PNMA8B: variants seen among roughly 807,000 people sequenced by gnomAD.
PNMA8B encodes PNMA family member 8B, also known as paraneoplastic antigen-like protein 8B.
For synonymous variants in PNMA8B, 386 were observed against 394.9 expected, an observed-to-expected ratio of 0.98 and a Z score of 0.27; for missense variants, 887 against 885.8, an observed-to-expected ratio of 1.00 and a Z score of -0.02.
rs973082391 is a variant in PNMA8B, at chr19:46,492,354, G to A, written c.*1204C>T. ...TTGCAGGAGCTGAAGCATACGGCACGGCACGGCACAGACTCACATACAACT... is the reference window on the plus strand; with the variant it reads ...TTGCAGGAGCTGAAGCATACGGCACAGCACGGCACAGACTCACATACAACT... On this transcript the variant is annotated 3_prime_UTR_variant, in exon 1 of 1. Transcript: ENST00000599531. The A allele has an allele frequency of 7.4e-6, 2 of 270,984 alleles. No homozygotes were observed. Among genetic ancestry groups the A allele is most frequent in the South Asian group, 3.0e-5 (1 of 33,388 alleles). 16.8% of individuals were successfully genotyped at this position (270,984 alleles called of 1,614,324 possible).
In PNMA8B at chr19:46,493,657, G is replaced by A. The variant is rs750415692; in HGVS notation, c.1809C>T (p.Ala603=). 1 of 1,535,618 alleles carries A rather than the reference G, an allele frequency of 6.5e-7. No individual in the cohort carries two copies. Among genetic ancestry groups the A allele is most frequent in the Non-Finnish European group, 8.7e-7 (1 of 1,150,340 alleles). The change falls in exon 1 of 1, where the codon GCC becomes GCT. Residue 603 remains alanine (A), a synonymous_variant. Transcript: ENST00000599531. The surrounding 1 kb of genome is among the most constrained non-coding windows in gnomAD (Gnocchi z 5.3). ...KKGSAGAGAH[A]RAGEAKGQAP... is the part of the protein sequence containing the mutation. ...CCTGGCCCTTGGCCTCGCCTGCCCT[G>A]GCATGGGCCCCGGCGCCCGCGCTCC...
Position 46,493,805 on chromosome 19 carries a change from G to A in PNMA8B, c.1661C>T (p.Ala554Val), listed in dbSNP as rs746322356. ...CGCGCGGGTTTTGCGGGCCCCGGAA[G>A]CGGTGGGAGGCGCGCCGGCCGGAGT... ...GLTPAGAPPT[A>V]SGARKTRAGG... The change falls in exon 1 of 1, where the codon GCT (alanine) becomes GTT (valine). Residue 554 changes from alanine (A) to valine (V), a missense_variant. Coordinates refer to ENST00000599531, the MANE Select transcript of PNMA8B (RefSeq NM_020709.3). The surrounding 1 kb of genome is among the most constrained non-coding windows in gnomAD (Gnocchi z 5.3). The A allele has an allele frequency of 7.5e-7, 1 of 1,333,122 alleles. No homozygotes were observed. The highest frequency in any genetic ancestry group is 9.6e-7 in the Non-Finnish European group (1 of 1,041,500). The allele number at this position is 1,333,122 out of a possible 1,614,324, so 82.6% of individuals were successfully genotyped here.
In PNMA8B at chr19:46,493,727, C is replaced by T; in HGVS notation, c.1739G>A (p.Arg580Gln). Residue 580 changes from arginine (R) to glutamine (Q), a missense_variant, in exon 1 of 1, where the codon CGG (arginine) becomes CAG (glutamine). Arg to Gln is a conservative substitution (Grantham distance 43). Transcript: ENST00000599531. The surrounding 1 kb of genome is among the most constrained non-coding windows in gnomAD (Gnocchi z 5.3). ...TGCGGCGTCGTCCTGGGCCGAGCCC[C>T]GGCTCCCGGCTTTCTTCTCGGGAGT... ...GVTPEKKAGS[R>Q]GSAQDDAAGS... The T allele has an allele frequency of 1.3e-6, 2 of 1,494,596 alleles. No individual in the cohort carries two copies. The highest frequency in any genetic ancestry group is 8.9e-7 in the Non-Finnish European group (1 of 1,129,912). The allele number at this position is 1,494,596 out of a possible 1,614,324, so 92.6% of individuals were successfully genotyped here.
rs951571780 is a variant in PNMA8B, at chr19:46,493,683, CCTT to C, written c.1780_1782del (p.Lys594del). The C allele has an allele frequency of 5.0e-5, 77 of 1,533,686 alleles. 2 individuals are homozygous for C. The Admixed American group carries it at 7.2e-4, about 14-fold the overall frequency. On this transcript the variant is annotated inframe_deletion, in exon 1 of 1. Coordinates refer to ENST00000599531, the MANE Select transcript of PNMA8B (RefSeq NM_020709.3). This position sits in a 1 kb window ranked among gnomAD's most constrained non-coding sequence, Gnocchi z 5.3. ...GCATGGGCCCCGGCGCCCGCGCTCC[CCTT>C]CTTCTTCCTGCTTCCTGCGGCGTCG...
Position 46,494,737 on chromosome 19 carries a change from G to A in PNMA8B, c.729C>T (p.Ser243=), listed in dbSNP as rs1292078124. ...ELVRQWAPCN[S]EGEEDGPREF... is the part of the protein sequence containing the mutation. ...CGCGGGGACCGTCTTCTTCCCCCTC[G>A]GAGTTGCAGGGCGCCCACTGCCTAA... The change falls in exon 1 of 1, where the codon TCC becomes TCT. Residue 243 remains serine, a synonymous_variant. Coordinates refer to ENST00000599531, the MANE Select transcript of PNMA8B (RefSeq NM_020709.3). 4 of 1,613,812 alleles carry A rather than the reference G, an allele frequency of 2.5e-6. No individual in the cohort carries two copies. The highest frequency in any genetic ancestry group is 4.5e-5 in the East Asian group (2 of 44,892).
rs779953546 is a variant in PNMA8B at position 46,493,572 on chromosome 19, G to A, written c.1894C>T (p.Pro632Ser). ...TTGGGGGGCCACTAGCGGCATTTAG[G>A]GGGCAGCCTCCGGCCCCGACGGGCC... ...KKARRGRRLPPKCR is the reference protein window; with the variant it reads ...KKARRGRRLPSKCR Residue 632 changes from proline (P) to serine (S), a missense_variant, in exon 1 of 1, where the codon CCT becomes TCT. Pro to Ser is a moderately conservative substitution (Grantham distance 74). Transcript: ENST00000599531. This position sits in a 1 kb window ranked among gnomAD's most constrained non-coding sequence, Gnocchi z 5.3. The A allele has an allele frequency of 6.9e-7, 1 of 1,439,480 alleles. No homozygotes were observed. Among genetic ancestry groups the A allele is most frequent in the South Asian group, 1.5e-5 (1 of 68,068 alleles). The allele number at this position is 1,439,480 out of a possible 1,614,324, so 89.2% of individuals were successfully genotyped here.
Position 46,493,839 on chromosome 19 carries a change from T to C in PNMA8B, c.1627A>G (p.Arg543Gly). Residue 543 changes from arginine (R) to glycine (G), a missense_variant, in exon 1 of 1, where the codon AGG (arginine) becomes GGG (glycine). Arg to Gly is a moderately radical substitution (Grantham distance 125, BLOSUM62 -2). Transcript: ENST00000599531. This position sits in a 1 kb window ranked among gnomAD's most constrained non-coding sequence, Gnocchi z 5.3. ...PRAKRARTAP[R>G]GLTPAGAPPT... ...GGCGCGCCGGCCGGAGTCAGGCCCC[T>C]GGGGGCCGTGCGCGCCCTCTTGGCC... 6.9e-7 allele frequency: 1 copy of C among 1,459,376 alleles called. No homozygotes were observed. Among genetic ancestry groups the C allele is most frequent in the Non-Finnish European group, 9.0e-7 (1 of 1,111,312 alleles). The allele number at this position is 1,459,376 out of a possible 1,614,324, so 90.4% of individuals were successfully genotyped here.
chr19:46,494,382 AG>A lies in PNMA8B; in HGVS notation c.1083del (p.Trp362GlyfsTer27). 1 of 1,613,400 alleles carries A rather than the reference AG, an allele frequency of 6.2e-7. No individual in the cohort carries two copies. The highest frequency in any genetic ancestry group is 8.5e-7 in the Non-Finnish European group (1 of 1,179,888). ...LKIASVIESL[G>X]WSDEKDKRDP... ...TCTCGCTTGTCTTTCTCGTCGCTCC[AG>A]CCCAGCGACTCGATAACAGAAGCGA... is the stretch of plus-strand genomic sequence containing the variant. On this transcript the variant is annotated frameshift_variant, in exon 1 of 1. Transcript: ENST00000599531. LOFTEE classifies it low-confidence loss of function (END_TRUNC).
rs1970020810 is a variant in PNMA8B at position 46,492,649 on chromosome 19, A to C, written c.*909T>G. 1 of 152,514 alleles carries C rather than the reference A, an allele frequency of 6.6e-6. No homozygotes were observed. Among genetic ancestry groups the C allele is most frequent in the Non-Finnish European group, 1.5e-5 (1 of 68,256 alleles). The allele number at this position is 152,514 out of a possible 1,614,324, so 9.4% of individuals were successfully genotyped here. On this transcript the variant is annotated 3_prime_UTR_variant, in exon 1 of 1. Transcript: ENST00000599531. ...CAAGGCCAGCGCTGAGCGGTGGGTC[A>C]GCTCCACTGGAGAGGGGGCACCCAG...
rs552828031 is a variant in PNMA8B at position 46,494,911 on chromosome 19, C to T, written c.555G>A (p.Arg185=). 3.1e-6 allele frequency: 5 copies of T among 1,611,544 alleles called. No homozygotes were observed. The Admixed American group carries it at 5.0e-5, about 16-fold the overall frequency. The change falls in exon 1 of 1, where the codon CGG becomes CGA. Residue 185 remains arginine (R), a synonymous_variant. Coordinates refer to ENST00000599531, the MANE Select transcript of PNMA8B (RefSeq NM_020709.3). The part of the protein sequence containing the change: ...QKGKKRSRGG[R]PSAPARSEAE... ...CCTCACTCCTCGCGGGAGCAGACGG[C>T]CGTCCTCCTCGGCTTCTCTTCTTGC...
Position 46,495,424 on chromosome 19 carries a change from G to C in PNMA8B, c.42C>G (p.Asp14Glu). 6.6e-7 allele frequency: 1 copy of C among 1,525,306 alleles called. No homozygotes were observed. Among genetic ancestry groups the C allele is most frequent in the Non-Finnish European group, 9.1e-7 (1 of 1,100,144 alleles). The allele number at this position is 1,525,306 out of a possible 1,614,324, so 94.5% of individuals were successfully genotyped here. ...CCAGCAGGGCCCTGTGCGCGTCCAC[G>C]TCCAGGCTCCGGCACCAGTCCTGCA... Reference protein sequence around the residue: ...SLLQDWCRSLDVDAHRALLVT... With the variant: ...SLLQDWCRSLEVDAHRALLVT... The change falls in exon 1 of 1, where the codon GAC (aspartate) becomes GAG (glutamate). Residue 14 changes from aspartate to glutamate, a missense_variant. Coordinates refer to ENST00000599531, the MANE Select transcript of PNMA8B (RefSeq NM_020709.3).
Position 46,495,511 on chromosome 19 carries a change from G to A in PNMA8B, c.-46C>T. 1 of 1,554,532 alleles carries A rather than the reference G, an allele frequency of 6.4e-7. No individual in the cohort carries two copies. The highest frequency in any genetic ancestry group is 8.7e-7 in the Non-Finnish European group (1 of 1,148,330). Reference sequence around the variant, plus strand: ...GATCTTGGGGCAGCAGGGAGCCCGAGATAGGGGTGGGCTGCAGCGCACGGT... The same window carrying A: ...GATCTTGGGGCAGCAGGGAGCCCGAAATAGGGGTGGGCTGCAGCGCACGGT... On this transcript the variant is annotated 5_prime_UTR_variant, in exon 1 of 1. Coordinates refer to ENST00000599531, the MANE Select transcript of PNMA8B (RefSeq NM_020709.3).
rs920698124 is a variant in PNMA8B, at chr19:46,492,357, A to G, written c.*1201T>C. On this transcript the variant is annotated 3_prime_UTR_variant, in exon 1 of 1. Coordinates refer to ENST00000599531, the MANE Select transcript of PNMA8B (RefSeq NM_020709.3). Reference sequence around the variant, plus strand: ...CAGGAGCTGAAGCATACGGCACGGCACGGCACAGACTCACATACAACTCAA... The same window carrying G: ...CAGGAGCTGAAGCATACGGCACGGCGCGGCACAGACTCACATACAACTCAA... 13 of 270,666 alleles carry G rather than the reference A, an allele frequency of 4.8e-5. No individual in the cohort carries two copies. Among genetic ancestry groups the G allele is most frequent in the East Asian group, 3.4e-4 (3 of 8,954 alleles). 16.8% of individuals were successfully genotyped at this position (270,666 alleles called of 1,614,324 possible). A position where few individuals can be genotyped will look rare whatever the true frequency, so the allele number is the denominator to read the frequency against.
Position 46,494,778 on chromosome 19 carries a change from C to G in PNMA8B, c.688G>C (p.Ala230Pro), listed in dbSNP as rs762932360. Residue 230 changes from alanine to proline, a missense_variant, in exon 1 of 1, where the codon GCT becomes CCT. By Grantham distance (27) the Ala-to-Pro change is conservative (BLOSUM62 -1). Transcript: ENST00000599531. Reference protein sequence around the residue: ...QSALYATLQAAARELVRQWAP... With the variant: ...QSALYATLQAPARELVRQWAP... Reference sequence around the variant, plus strand: ...CACTGCCTAACCAGCTCCCTGGCAGCGGCCTGCAGCGTGGCGTACAGCGCG... The same window carrying G: ...CACTGCCTAACCAGCTCCCTGGCAGGGGCCTGCAGCGTGGCGTACAGCGCG... 1 of 1,613,694 alleles carries G rather than the reference C, an allele frequency of 6.2e-7. No individual in the cohort carries two copies. The highest frequency in any genetic ancestry group is 1.7e-5 in the Admixed American group (1 of 59,982).
chr19:46,495,760 G>A lies in PNMA8B; in HGVS notation c.-295C>T. 2.9e-6 allele frequency: 1 copy of A among 350,746 alleles called. No homozygotes were observed. 21.7% of individuals were successfully genotyped at this position (350,746 alleles called of 1,614,324 possible). On this transcript the variant is annotated 5_prime_UTR_variant, in exon 1 of 1. Transcript: ENST00000599531. ...CTCCCTCCCTCTCTCCCTGACACAG[G>A]CCTGAGTGACTCGGCACCGCAGCCA...
In PNMA8B at chr19:46,494,997, G is replaced by T. The variant is rs1282634820; in HGVS notation, c.469C>A (p.Pro157Thr). 1.9e-6 allele frequency: 3 copies of T among 1,608,922 alleles called. No homozygotes were observed. The highest frequency in any genetic ancestry group is 2.5e-6 in the Non-Finnish European group (3 of 1,179,842). The change falls in exon 1 of 1, where the codon CCA (proline) becomes ACA (threonine). Residue 157 changes from proline (P) to threonine (T), a missense_variant. Coordinates refer to ENST00000599531, the MANE Select transcript of PNMA8B (RefSeq NM_020709.3). ...AGSLLGAARN[P>T]RRGRRGRRNR... Reference sequence around the variant, plus strand: ...CTGCGACCCCGACGGCCCCTCCTTGGGTTCCTGGCTGCCCCAAGAAGCGAG... The same window carrying T: ...CTGCGACCCCGACGGCCCCTCCTTGTGTTCCTGGCTGCCCCAAGAAGCGAG...
Position 46,494,305 on chromosome 19 carries a change from G to GC in PNMA8B, c.1160dup (p.Val388ArgfsTer21). On this transcript the variant is annotated frameshift_variant, in exon 1 of 1. Coordinates refer to ENST00000599531, the MANE Select transcript of PNMA8B (RefSeq NM_020709.3). LOFTEE classifies it low-confidence loss of function (END_TRUNC). ...CGCGGCCCGCCTCTTCCACCTTCAC[G>GC]CGGGTCCCGTTAGTGTCCTTGGACA... The GC allele has an allele frequency of 6.2e-7, 1 of 1,612,592 alleles. No homozygotes were observed. The highest frequency in any genetic ancestry group is 8.5e-7 in the Non-Finnish European group (1 of 1,179,736).
chr19:46,493,374 C>A lies in PNMA8B; in HGVS notation c.*184G>T. 1 of 414,718 alleles carries A rather than the reference C, an allele frequency of 2.4e-6. No homozygotes were observed. The highest frequency in any genetic ancestry group is 4.1e-6 in the Non-Finnish European group (1 of 241,170). The allele number at this position is 414,718 out of a possible 1,614,324, so 25.7% of individuals were successfully genotyped here. On this transcript the variant is annotated 3_prime_UTR_variant, in exon 1 of 1. Coordinates refer to ENST00000599531, the MANE Select transcript of PNMA8B (RefSeq NM_020709.3). The surrounding 1 kb of genome is among the most constrained non-coding windows in gnomAD (Gnocchi z 5.3). ...GGGCTTCCTCCGTCGGGATCGCTGGCGCCCCCGGCCTGCGAGGGCCCGAGA... is the reference window on the plus strand; with the variant it reads ...GGGCTTCCTCCGTCGGGATCGCTGGAGCCCCCGGCCTGCGAGGGCCCGAGA...
Position 46,494,603 on chromosome 19 carries a change from C to T in PNMA8B, c.863G>A (p.Gly288Asp). The T allele has an allele frequency of 1.9e-6, 3 of 1,614,028 alleles. No homozygotes were observed. Among genetic ancestry groups the T allele is most frequent in the Non-Finnish European group, 1.7e-6 (2 of 1,179,894 alleles). ...CAGCAGGGCCACTAAGTCGGGGACA[C>T]CATTTTTGTCTTCTTTGGTGTTCAA... Reference protein sequence around the residue: ...IRLNTKEDKNGVPDLVALLAV... With the variant: ...IRLNTKEDKNDVPDLVALLAV... Residue 288 changes from glycine (G) to aspartate (D), a missense_variant, in exon 1 of 1, where the codon GGT becomes GAT. Transcript: ENST00000599531.
Sources: allele counts gnomAD v4.1 joint callset, GRCh38; gene constraint gnomAD v4.1.1; non-coding constraint Gnocchi (gnomAD v3.1); transcripts MANE v1.5; gene names NCBI Gene and HGNC (gene_info 2026-07-23, HGNC 2026-07-21).